The following UBR3 variants were observed in gnomAD, a reference collection of about 807,000 sequenced individuals.
UBR3 encodes the protein ubiquitin protein ligase E3 component n-recognin 3, also known as E3 ubiquitin-protein ligase UBR3.
UBR3 carries 85 observed loss-of-function variants against 243.2 expected under a neutral mutation model. The observed-to-expected ratio is 0.35, with a 90% CI of 0.29 to 0.42. UBR3 has a LOEUF of 0.42. Ranked by LOEUF, UBR3 falls within the 10% of genes least tolerant of loss-of-function variation. The pLI, the probability that UBR3 is intolerant of heterozygous loss-of-function variation, is 1.00. For synonymous variants in UBR3, 748 were observed against 799.8 expected (o/e 0.94, Z 1.09); for missense variants, 1,686 against 2,300.8 (o/e 0.73, Z 5.47).
chr2:169,835,817 A>G (rs764591020), intron 1 of UBR3, among the ~76,000 whole-genome samples: 7 of 151,998 alleles, frequency 4.6e-5, no homozygotes, highest in South Asian at 2.1e-4. Context: ...GAAAAGTACA[A>G]AAGTAGTATA....
chr2:169,884,558 C>T (rs1169917208), intron 5 of UBR3, among the ~76,000 whole-genome samples: 2 of 152,190 alleles, frequency 1.3e-5, no homozygotes, highest in African/African-American at 4.8e-5. Flanking sequence ...ACTAATGAGG[C>T]TATGAAACTA....
intron 1 of UBR3, among the ~76,000 whole-genome samples, chr2:169,864,994 G>C (rs955492714): frequency 3.9e-5 from 6 of 151,976 alleles, no homozygotes; most frequent in African/African-American, 1.5e-4. Context: ...ACTGAGGCAG[G>C]AGAATTGCTT....
intron 36 of UBR3, among the ~76,000 whole-genome samples, chr2:170,075,913 G>GAAA (rs35290980): frequency 7.3e-6 from 1 of 137,328 alleles, no homozygotes; most frequent in East Asian, 2.1e-4. Flanking sequence ...AACTATGACA[G>GAAA]AAAAAAAAAA....
intron 23 of UBR3, among the ~76,000 whole-genome samples, chr2:169,952,524 G>A (rs1439288195): frequency 1.3e-5 from 2 of 151,968 alleles, no homozygotes; most frequent in African/African-American, 2.4e-5. Flanking sequence ...GTGAAACCTC[G>A]TCTCTACTAA....
chr2:170,061,231 A>G (rs769018289), intron 34 of UBR3, 45 bp downstream of exon 34: 1 of 1,581,152 alleles, frequency 6.3e-7, no homozygotes, highest in African/African-American at 1.4e-5. Context: ...TTAGTAAAAA[A>G]TTTACATTTT....
At chr2:169,898,704 T>C (rs1314034487) in intron 8 of UBR3, among the ~76,000 whole-genome samples, 34 of 114,848 alleles carry the variant, frequency 3.0e-4, no homozygotes, top group African/African-American at 1.2e-3. Flanking sequence ...AGTTTCACTC[T>C]TTTTTTTTTT....
At chr2:169,969,680 C>A (rs549555249) in intron 24 of UBR3, among the ~76,000 whole-genome samples, 2 of 151,840 alleles carry the variant, frequency 1.3e-5, no homozygotes, top group Non-Finnish European at 2.9e-5. Flanking sequence ...TCCCAAGCAG[C>A]TGGGACAACA....
intron 1 of UBR3, among the ~76,000 whole-genome samples, chr2:169,831,378 G>A (rs1425336738): frequency 6.7e-6 from 1 of 149,168 alleles, no homozygotes; most frequent in Non-Finnish European, 1.5e-5. Context: ...TTGAACTCCT[G>A]ACCTTAGGTG....
chr2:169,875,298 G>A (rs1199017525), intron 2 of UBR3, among the ~76,000 whole-genome samples: 1 of 151,946 alleles, frequency 6.6e-6, no homozygotes, highest in African/African-American at 2.4e-5. Context: ...TATATATGTG[G>A]AAGTATAGGG....
At position 169,905,274 on chromosome 2, in the gene UBR3, C is replaced by T. The variant is rs188178940; in HGVS notation, c.1626C>T (p.Asn542=). 2,067 of 1,525,668 alleles carry T rather than the reference C, an allele frequency of 1.4e-3. 2 individuals carry two copies. The highest frequency in any genetic ancestry group is 1.7e-3 in the Non-Finnish European group (1,913 of 1,137,104). The allele number at this position is 1,525,668 out of a possible 1,614,324, so 94.5% of individuals were successfully genotyped here. A position where few individuals can be genotyped will look rare whatever the true frequency, so the allele number is the denominator to read the frequency against. The part of the protein sequence containing the change: ...EDHGLLVTWM[N]FVSFFQGMNL... Reference sequence around the variant, plus strand: ...ACGGTTTGTTAGTTACATGGATGAACTTTGTATCTTTCTTTCAAGGTATGA... The same window carrying T: ...ACGGTTTGTTAGTTACATGGATGAATTTTGTATCTTTCTTTCAAGGTATGA... The change falls in exon 9 of 39, where the codon AAC becomes AAT. Residue 542 remains asparagine (N), a synonymous_variant. Transcript: ENST00000272793.
At chr2:170,029,273 A>G in intron 30 of UBR3, 73 bp from the exon 31 acceptor site, 1 of 1,232,586 alleles carries the variant, frequency 8.1e-7, no homozygotes, top group South Asian at 1.5e-5. Context: ...TGAAATAACT[A>G]GAAATTTTGT....
chr2:169,855,339 A>T (rs1422317517), intron 1 of UBR3, among the ~76,000 whole-genome samples: 3 of 151,764 alleles, frequency 2.0e-5, no homozygotes, highest in African/African-American at 7.3e-5. Flanking sequence ...TTTATTTTTT[A>T]ATTTTTTAAT....
intron 17 of UBR3, among the ~76,000 whole-genome samples, chr2:169,927,721 C>T (rs1440534752): frequency 2.0e-5 from 3 of 152,034 alleles, no homozygotes; most frequent in African/African-American, 7.2e-5. Flanking sequence ...TTATAAAAGG[C>T]AGCTAGGTCC....
chr2:169,847,622 T>C (rs1318791053), intron 1 of UBR3, among the ~76,000 whole-genome samples: 2 of 152,210 alleles, frequency 1.3e-5, no homozygotes, highest in Non-Finnish European at 2.9e-5. Flanking sequence ...ACCCATCTAC[T>C]TACTATTTCC....
chr2:169,918,274 A>AT (rs2085540871), intron 11 of UBR3, among the ~76,000 whole-genome samples: 3 of 146,714 alleles, frequency 2.0e-5, no homozygotes, highest in East Asian at 4.0e-4. Flanking sequence ...CCTTGGACAG[A>AT]TTTTTTTAAG....
At chr2:170,022,729 T>A (rs1348188367) in intron 30 of UBR3, among the ~76,000 whole-genome samples, 1 of 152,148 alleles carries the variant, frequency 6.6e-6, no homozygotes, top group Non-Finnish European at 1.5e-5. Context: ...TTATTAAACT[T>A]GTCTTTTAAC....
At chr2:169,929,458 C>T (rs150133332) in intron 18 of UBR3, among the ~76,000 whole-genome samples, 2,956 of 152,124 alleles carry the variant, frequency 0.019, 103 homozygotes, top group African/African-American at 0.065. Context: ...TGCCTGTAAT[C>T]CCAGCTACTC....
In UBR3 at chr2:170,072,836, A is replaced by G. The variant is rs115065874; in HGVS notation, c.5020-592A>G. ...TGGGGAATATATTTCTGTGTTTCCA[A>G]GACTAATAAGCTTCTTTAAATATCA... is the stretch of plus-strand genomic sequence containing the variant. On this transcript the variant is annotated intron_variant, in intron 35 of 38. Transcript: ENST00000272793. 7.8e-3 allele frequency among the ~76,000 whole-genome samples: 1,193 copies of G among 152,226 alleles called. 14 individuals carry two copies. Among genetic ancestry groups the G allele is most frequent in the African/African-American group, 0.026 (1,079 of 41,520 alleles).
At chr2:169,947,195 C>T (rs2086819336) in intron 21 of UBR3, among the ~76,000 whole-genome samples, 1 of 151,976 alleles carries the variant, frequency 6.6e-6, no homozygotes, top group Non-Finnish European at 1.5e-5. Flanking sequence ...TTTCAATTTC[C>T]TCCCAATTTG....
Sources: gnomAD v4.1 joint callset for allele counts (sites outside exome capture counted in the v4.1 genomes callset) on GRCh38, gnomAD v4.1.1 for gene constraint, MANE v1.5 for transcripts, NCBI Gene and HGNC (gene_info 2026-07-23, HGNC 2026-07-21) for gene names.